SMAD4: variants seen among roughly 807,000 people sequenced by gnomAD.
SMAD4 encodes MAD homolog 4.
SMAD4 carries 7 observed loss-of-function variants against 63.2 expected under a neutral mutation model. The observed-to-expected ratio is 0.11, with a 90% confidence interval of 0.06 to 0.21. The LOEUF (loss-of-function observed/expected upper bound fraction) is 0.21. SMAD4 is among the 10% of genes least tolerant of loss of function. The pLI is 1.00. For missense variants in SMAD4, 312 were observed against 693.8 expected (o/e 0.45, Z 6.18); for synonymous variants, 215 against 235.4 (o/e 0.91, Z 0.79).
chr18:51,068,838 T>C (rs764824748), intron 10 of SMAD4, among the ~76,000 whole-genome samples: 31 of 152,136 alleles, frequency 2.0e-4, no homozygotes, highest in Non-Finnish European at 4.0e-4. Flanking sequence ...GGAGCATTGC[T>C]TGAGCCCAGG....
chr18:51,032,293 G>C (rs978565871), intron 1 of SMAD4, among the ~76,000 whole-genome samples: 1 of 152,054 alleles, frequency 6.6e-6, no homozygotes, highest in African/African-American at 2.4e-5. Flanking sequence ...TATTTTTGAA[G>C]TGGGAGTGTA....
Position 51,062,851 on chromosome 18 carries a change from G to GTTTTTTTTTTTTTTTT in SMAD4, c.956-2563_956-2548dup, listed in dbSNP as rs71171374. Among the ~76,000 whole-genome samples, 14 of 65,394 alleles carry GTTTTTTTTTTTTTTTT rather than the reference G, an allele frequency of 2.1e-4. 2 individuals are homozygous for GTTTTTTTTTTTTTTTT. Among genetic ancestry groups the GTTTTTTTTTTTTTTTT allele is most frequent in the Admixed American group, 7.1e-4 (3 of 4,228 alleles). The allele number at this position is 65,394 out of a possible 152,430, so 42.9% of individuals were successfully genotyped here. A position where few individuals can be genotyped will look rare whatever the true frequency, so the allele number is the denominator to read the frequency against. On this transcript the variant is annotated intron_variant, in intron 8 of 11. Transcript: ENST00000342988. ...ACAGTCTAGTAATCTGGCTTTACTT[G>GTTTTTTTTTTTTTTTT]TTTTTTTTTTTTTTTTTTTTTTTTG...
At chr18:51,053,312 A>G (rs1243265679) in intron 4 of SMAD4, 3 of 152,218 alleles carry the variant, frequency 2.0e-5, no homozygotes, top group Admixed American at 2.0e-4. Context: ...CAGGATTTAT[A>G]TGAAGAAAAT....
In SMAD4 at chr18:51,058,118, C is replaced by T. The variant is rs1060504028; in HGVS notation, c.668-7C>T. The T allele has an allele frequency of 6.2e-7, 1 of 1,610,946 alleles. No homozygotes were observed. On this transcript the variant is annotated splice_polypyrimidine_tract_variant and splice_region_variant and intron_variant, in intron 5 of 11. Transcript: ENST00000342988. ...TGTACCATGTTAATGTCTTCTTGTT[C>T]CTCTAGGTCAGCCTGCCAGTATACT...
intron 1 of SMAD4, among the ~76,000 whole-genome samples, chr18:51,031,850 A>G (rs1164765217): frequency 6.6e-6 from 1 of 152,152 alleles, no homozygotes; most frequent in Non-Finnish European, 1.5e-5. Context: ...ACTAGATAAT[A>G]TATATTTCAG....
chr18:51,044,124 C>T (rs760195981), intron 1 of SMAD4, among the ~76,000 whole-genome samples: 2 of 152,076 alleles, frequency 1.3e-5, no homozygotes, highest in Admixed American at 6.6e-5. Flanking sequence ...TGTAATTTAA[C>T]GTATCTTTCC....
intron 1 of SMAD4, among the ~76,000 whole-genome samples, chr18:51,034,176 G>A (rs1317569282): frequency 6.6e-6 from 1 of 151,450 alleles, no homozygotes; most frequent in African/African-American, 2.4e-5. Flanking sequence ...CAATGTTTAG[G>A]GCAACGGTCT....
Position 51,084,675 on chromosome 18 carries a change from T to C in SMAD4, c.*6208T>C, listed in dbSNP as rs191403347. 2 of 231,686 alleles carry C rather than the reference T, an allele frequency of 8.6e-6. No homozygotes were observed. Among genetic ancestry groups the C allele is most frequent in the East Asian group, 1.2e-4 (2 of 16,408 alleles). 14.4% of individuals were successfully genotyped at this position (231,686 alleles called of 1,614,324 possible). Reference sequence around the variant, plus strand: ...TGGCAAACTTTCTTCAAGTATTGAGTTCTGTTCAATGCATTGGACATGTGA... The same window carrying C: ...TGGCAAACTTTCTTCAAGTATTGAGCTCTGTTCAATGCATTGGACATGTGA... On this transcript the variant is annotated 3_prime_UTR_variant, in exon 12 of 12. Transcript: ENST00000342988.
rs959190753 is a variant in SMAD4 at position 51,083,524 on chromosome 18, C to G, written c.*5057C>G. 1 of 225,222 alleles carries G rather than the reference C, an allele frequency of 4.4e-6. No homozygotes were observed. Among genetic ancestry groups the G allele is most frequent in the Non-Finnish European group, 8.8e-6 (1 of 113,786 alleles). 14.0% of individuals were successfully genotyped at this position (225,222 alleles called of 1,614,324 possible). ...CTTTGGTGAAGACAATCATTTCTCT[C>G]TGTTGATGTGGATACTTTTCACACC... On this transcript the variant is annotated 3_prime_UTR_variant, in exon 12 of 12. Coordinates refer to ENST00000342988, the MANE Select transcript of SMAD4 (RefSeq NM_005359.6).
intron 4 of SMAD4, chr18:51,051,534 G>C (rs901714532): frequency 2.6e-6 from 1 of 384,410 alleles, no homozygotes; most frequent in East Asian, 7.3e-5. Flanking sequence ...GTTGACCTGT[G>C]TATTCATTTT....
intron 11 of SMAD4, 125 bp downstream of exon 11, chr18:51,076,901 A>G (rs900054817): frequency 2.2e-5 from 15 of 690,570 alleles, no homozygotes; most frequent in Non-Finnish European, 3.1e-5. Context: ...GGATGATGAC[A>G]TTTTTGAATT....
chr18:51,047,055 T>C lies in SMAD4; in HGVS notation c.9T>C (p.Asn3=), dbSNP rs762273127. 3.7e-6 allele frequency: 6 copies of C among 1,613,492 alleles called. No homozygotes were observed. In the Admixed American group the frequency reaches 8.3e-5, roughly 22 times the overall value. Residue 3 remains asparagine (N), a synonymous_variant, in exon 2 of 12, where the codon AAT becomes AAC. Transcript: ENST00000342988. ...AGGAAAAACTTGAACAAATGGACAA[T>C]ATGTCTATTACGAATACACCAACAA... The part of the protein sequence containing the change: MD[N]MSITNTPTSN...
At position 51,084,012 on chromosome 18, in the gene SMAD4, G is replaced by GCACACACACA. The variant is rs56017493; in HGVS notation, c.*5568_*5577dup. The GCACACACACA allele has an allele frequency of 2.6e-3, 423 of 162,820 alleles. 1 individual carries two copies. The highest frequency in any genetic ancestry group is 6.6e-3 in the Admixed American group (85 of 12,934). The allele number at this position is 162,820 out of a possible 1,614,324, so 10.1% of individuals were successfully genotyped here. On this transcript the variant is annotated 3_prime_UTR_variant, in exon 12 of 12. Transcript: ENST00000342988. ...TTAACGCGCGTGCGCACGCGCGCGC[G>GCACACACACA]CACACACACACACACACACACACAC... is the stretch of plus-strand genomic sequence containing the variant.
At chr18:51,046,360 G>A (rs899364209) in intron 1 of SMAD4, among the ~76,000 whole-genome samples, 5 of 151,470 alleles carry the variant, frequency 3.3e-5, no homozygotes, top group Non-Finnish European at 7.4e-5. Flanking sequence ...CTAATGTCGA[G>A]CATCTTTCAT....
chr18:51,063,437 G>A (rs1261396682), intron 8 of SMAD4, among the ~76,000 whole-genome samples: 5 of 151,852 alleles, frequency 3.3e-5, no homozygotes, highest in African/African-American at 1.2e-4. Flanking sequence ...TTTTGAGACG[G>A]GGTCTCACTC....
In SMAD4 at chr18:51,080,067, A is replaced by G. The variant is rs1910572818; in HGVS notation, c.*1600A>G. On this transcript the variant is annotated 3_prime_UTR_variant, in exon 12 of 12. Transcript: ENST00000342988. ...TACAGGATAAATAGTATGAAATAAAATCAAGGATTATCTTTCAGATGTGTT... is the reference window on the plus strand; with the variant it reads ...TACAGGATAAATAGTATGAAATAAAGTCAAGGATTATCTTTCAGATGTGTT... 1 of 232,474 alleles carries G rather than the reference A, an allele frequency of 4.3e-6. No homozygotes were observed. Among genetic ancestry groups the G allele is most frequent in the Non-Finnish European group, 8.5e-6 (1 of 117,692 alleles). 14.4% of individuals were successfully genotyped at this position (232,474 alleles called of 1,614,324 possible). A position where few individuals can be genotyped will look rare whatever the true frequency, so the allele number is the denominator to read the frequency against.
intron 10 of SMAD4, among the ~76,000 whole-genome samples, chr18:51,072,585 A>G (rs546431424): frequency 6.6e-5 from 10 of 152,200 alleles, no homozygotes; most frequent in Non-Finnish European, 1.2e-4. Context: ...ATTTAAGATT[A>G]TATAGTATTG....
chr18:51,045,017 T>G (rs916415766), intron 1 of SMAD4: 5 of 152,192 alleles, frequency 3.3e-5, no homozygotes, highest in African/African-American at 1.2e-4. Context: ...GTGAAAGAGA[T>G]AACAACAGAG....
At chr18:51,063,100 C>T (rs910922657) in intron 8 of SMAD4, among the ~76,000 whole-genome samples, 59 of 151,888 alleles carry the variant, frequency 3.9e-4, no homozygotes, top group African/African-American at 1.3e-3. Flanking sequence ...GATCTGCCCG[C>T]CTCGGCCTCC....
Sources: gnomAD v4.1 joint callset for allele counts (sites outside exome capture counted in the v4.1 genomes callset) on GRCh38, gnomAD v4.1.1 for gene constraint, MANE v1.5 for transcripts, NCBI Gene and HGNC (gene_info 2026-07-23, HGNC 2026-07-21) for gene names.